The following C1QTNF7 variants were observed in gnomAD, a reference collection of about 807,000 sequenced individuals.
C1QTNF7 encodes C1q and TNF related 7.
Under a neutral mutation model 19.6 loss-of-function variants are expected in C1QTNF7, and 15 were observed. The ratio of observed to expected loss-of-function variants is 0.76; its 90% CI spans 0.51 to 1.18. The LOEUF (loss-of-function observed/expected upper bound fraction) is 1.18, where lower values mean the gene tolerates loss of function less well. C1QTNF7 is among the 50% of genes most tolerant of loss of function. The pLI is 0.00. For synonymous variants in C1QTNF7, 142 were observed against 137.5 expected, an observed-to-expected ratio of 1.03 and a Z score of -0.23; for missense variants, 324 against 359.7, an observed-to-expected ratio of 0.90 and a Z score of 0.80.
intron 1 of C1QTNF7, among the ~76,000 whole-genome samples, chr4:15,349,343 C>T (rs1209607302): frequency 6.6e-6 from 1 of 152,054 alleles, no homozygotes; most frequent in Non-Finnish European, 1.5e-5. Context: ...TTTTTCTTTG[C>T]ATTTACGCTG....
At chr4:15,360,288 T>C (rs1285983776) in intron 1 of C1QTNF7, among the ~76,000 whole-genome samples, 1 of 152,174 alleles carries the variant, frequency 6.6e-6, no homozygotes, top group Non-Finnish European at 1.5e-5. Flanking sequence ...TTATGTTCTA[T>C]AAAGTCATAG....
At chr4:15,415,195 T>G (rs1719553737) in intron 1 of C1QTNF7, among the ~76,000 whole-genome samples, 1 of 152,126 alleles carries the variant, frequency 6.6e-6, no homozygotes, top group Admixed American at 6.5e-5. Context: ...AAGGAGAGAA[T>G]TCAGATCATT....
At chr4:15,362,347 G>A (rs1717372768) in intron 1 of C1QTNF7, 1 of 151,986 alleles carries the variant, frequency 6.6e-6, no homozygotes, top group Admixed American at 6.6e-5. Flanking sequence ...TTCTGTGGGG[G>A]ACTAATCAGC....
At chr4:15,439,762 TATC>T (rs1022753817) in intron 2 of C1QTNF7, among the ~76,000 whole-genome samples, 30 of 152,174 alleles carry the variant, frequency 2.0e-4, no homozygotes, top group African/African-American at 6.5e-4. Flanking sequence ...TTTGAGGAAA[TATC>T]ATCATACAAG....
At chr4:15,355,013 T>C (rs1259702913) in intron 1 of C1QTNF7, among the ~76,000 whole-genome samples, 1 of 152,140 alleles carries the variant, frequency 6.6e-6, no homozygotes, top group Non-Finnish European at 1.5e-5. Flanking sequence ...GTCCATGCTG[T>C]TTACCAGTTG....
chr4:15,407,840 C>T (rs908209506), intron 1 of C1QTNF7, among the ~76,000 whole-genome samples: 1 of 152,068 alleles, frequency 6.6e-6, no homozygotes, highest in Non-Finnish European at 1.5e-5. Context: ...GCAAGAGAAT[C>T]GCTTGAACCC....
chr4:15,339,883 G>C, upstream of C1QTNF7: 1 of 491,248 alleles, frequency 2.0e-6, no homozygotes, highest in Admixed American at 3.6e-5. Flanking sequence ...TGAAATGTGA[G>C]TATTATGGGA....
Position 15,432,319 on chromosome 4 carries a change from A to G in C1QTNF7, c.-8-3417A>G, listed in dbSNP as rs1416550201. Among the ~76,000 whole-genome samples, 3 of 152,188 alleles carry G rather than the reference A, an allele frequency of 2.0e-5. No homozygotes were observed. The East Asian group carries it at 5.8e-4, about 29-fold the overall frequency. On this transcript the variant is annotated intron_variant, in intron 1 of 2. Coordinates refer to ENST00000444304, the MANE Select transcript of C1QTNF7 (RefSeq NM_031911.5). ...GCACACCCCGTGGTCTTCTTGCATC[A>G]ACTGAATCCCAGTACTTGACTGACC...
intron 1 of C1QTNF7, among the ~76,000 whole-genome samples, chr4:15,353,237 TA>T (rs1052352221): frequency 6.6e-6 from 1 of 152,142 alleles, no homozygotes; most frequent in African/African-American, 2.4e-5. Context: ...TGTTGCCTTT[TA>T]AAAAAATTAG....
intron 1 of C1QTNF7, among the ~76,000 whole-genome samples, chr4:15,353,733 A>G (rs1467424377): frequency 6.6e-6 from 1 of 151,572 alleles, no homozygotes; most frequent in Non-Finnish European, 1.5e-5. Flanking sequence ...TATTATTTCC[A>G]TTTCACCCAG....
intron 1 of C1QTNF7, among the ~76,000 whole-genome samples, chr4:15,341,182 C>T (rs895233107): frequency 1.3e-5 from 2 of 152,218 alleles, no homozygotes; most frequent in African/African-American, 4.8e-5. Context: ...GATTATAAAA[C>T]CCTGTGGATT....
chr4:15,359,593 T>C (rs1434813876), intron 1 of C1QTNF7, among the ~76,000 whole-genome samples: 2 of 152,096 alleles, frequency 1.3e-5, no homozygotes, highest in African/African-American at 2.4e-5. Flanking sequence ...ATCCCCACAA[T>C]TGAATTAAAA....
chr4:15,343,376 C>G (rs1716613275), intron 1 of C1QTNF7, among the ~76,000 whole-genome samples: 1 of 152,092 alleles, frequency 6.6e-6, no homozygotes, highest in Admixed American at 6.5e-5. Flanking sequence ...TTCACAAATT[C>G]TCTTCTGTAT....
At chr4:15,421,755 C>T (rs548053353) in intron 1 of C1QTNF7, among the ~76,000 whole-genome samples, 36 of 152,212 alleles carry the variant, frequency 2.4e-4, no homozygotes, top group Admixed American at 2.0e-3. Context: ...ATACCTACTT[C>T]GCTAAGTGGT....
chr4:15,409,911 A>G (rs1378075143), intron 1 of C1QTNF7, among the ~76,000 whole-genome samples: 2 of 152,022 alleles, frequency 1.3e-5, no homozygotes, highest in Non-Finnish European at 2.9e-5. Context: ...TTTTTTCTCC[A>G]TTGTCCTTGT....
chr4:15,399,832 A>G (rs1166694049), intron 1 of C1QTNF7, among the ~76,000 whole-genome samples: 1 of 152,230 alleles, frequency 6.6e-6, no homozygotes, highest in Non-Finnish European at 1.5e-5. Context: ...CAAGTAGTAT[A>G]TACTGAGTGC....
intron 1 of C1QTNF7, among the ~76,000 whole-genome samples, chr4:15,416,485 G>A (rs973538357): frequency 6.6e-6 from 1 of 152,122 alleles, no homozygotes; most frequent in East Asian, 1.9e-4. Context: ...GATCCTGAAC[G>A]CTGACCATGC....
At chr4:15,391,684 C>A (rs1718564132) in intron 1 of C1QTNF7, among the ~76,000 whole-genome samples, 1 of 152,050 alleles carries the variant, frequency 6.6e-6, no homozygotes, top group Non-Finnish European at 1.5e-5. Context: ...CTCCCAGCAA[C>A]AATATGTATT....
chr4:15,393,260 T>G (rs1268539023), intron 1 of C1QTNF7, among the ~76,000 whole-genome samples: 1 of 152,218 alleles, frequency 6.6e-6, no homozygotes, highest in African/African-American at 2.4e-5. Flanking sequence ...CTCTTTTTCT[T>G]TATAAATTAC....
Sources: gnomAD v4.1 joint callset for allele counts (sites outside exome capture counted in the v4.1 genomes callset) on GRCh38, gnomAD v4.1.1 for gene constraint, MANE v1.5 for transcripts, NCBI Gene and HGNC (gene_info 2026-07-23, HGNC 2026-07-21) for gene names.